Variants in IRAK2 observed in about 807,000 individuals in gnomAD.
The protein encoded by IRAK2 is interleukin-1 receptor-associated kinase-like 2.
Under a neutral mutation model 72.0 loss-of-function variants are expected in IRAK2, and 57 were observed. The observed-to-expected ratio is 0.79, with a 90% confidence interval of 0.64 to 0.99. The LOEUF (loss-of-function observed/expected upper bound fraction) is 0.99. Ranked by LOEUF, IRAK2 falls within the 50% of genes least tolerant of loss-of-function variation. IRAK2 has a pLI of 0.00. For synonymous variants in IRAK2, 293 were observed against 312.7 expected (o/e 0.94, Z 0.67); for missense variants, 790 against 794.4 (o/e 0.99, Z 0.07).
intron 9 of IRAK2, among the ~76,000 whole-genome samples, chr3:10,223,764 A>G (rs1278633849): frequency 6.6e-6 from 1 of 152,214 alleles, no homozygotes; most frequent in Non-Finnish European, 1.5e-5. Flanking sequence ...GAAGAGTAAC[A>G]GTCAGGTTGG....
At chr3:10,239,171 T>C (rs1319792145) in intron 12 of IRAK2, 132 bp downstream of exon 12, 3 of 837,404 alleles carry the variant, frequency 3.6e-6, no homozygotes, top group East Asian at 2.7e-5. Context: ...CAGCCAGTTT[T>C]TCACAGAGAA....
chr3:10,165,835 A>C (rs917760427), intron 1 of IRAK2, among the ~76,000 whole-genome samples: 1 of 144,976 alleles, frequency 6.9e-6, no homozygotes, highest in Admixed American at 7.3e-5. Context: ...GGTTCACGCC[A>C]TTCTCCTGCC....
intron 1 of IRAK2, among the ~76,000 whole-genome samples, chr3:10,175,088 T>A (rs1415266789): frequency 1.3e-5 from 2 of 151,368 alleles, no homozygotes; most frequent in African/African-American, 4.9e-5. Flanking sequence ...AGTGACACCC[T>A]GTCTCAAAAA....
chr3:10,182,626 G>A (rs1226095708), intron 2 of IRAK2, among the ~76,000 whole-genome samples: 1 of 149,816 alleles, frequency 6.7e-6, no homozygotes, highest in East Asian at 2.0e-4. Context: ...GGCTAGGCTA[G>A]TCTCAAACTC....
chr3:10,214,077 C>T (rs530536482), intron 6 of IRAK2, among the ~76,000 whole-genome samples: 36 of 151,796 alleles, frequency 2.4e-4, no homozygotes, highest in Non-Finnish European at 3.8e-4. Context: ...TACAGGCGTG[C>T]GCCACCAGGC....
intron 3 of IRAK2, among the ~76,000 whole-genome samples, chr3:10,203,183 G>A (rs1459732762): frequency 6.6e-6 from 1 of 152,022 alleles, no homozygotes; most frequent in Non-Finnish European, 1.5e-5. Context: ...TTTTTGTAAA[G>A]ATGGGGTTTC....
intron 1 of IRAK2, among the ~76,000 whole-genome samples, chr3:10,172,489 C>T (rs1214309210): frequency 8.0e-6 from 1 of 124,330 alleles, no homozygotes; most frequent in Non-Finnish European, 1.6e-5. Flanking sequence ...AGTGAGCTGA[C>T]ATGTGCCATT....
chr3:10,184,822 C>T lies in IRAK2; in HGVS notation c.277+6802C>T, dbSNP rs567217010. Among the ~76,000 whole-genome samples the T allele has an allele frequency of 3.3e-5, 5 of 150,064 alleles. No individual in the cohort carries two copies. In the South Asian group the frequency reaches 6.3e-4, roughly 19 times the overall value. Reference sequence around the variant, plus strand: ...TCGGCTCACTGCAAGCTCCGCCTCCCAGGTTCACGCCATTCTCTTGCCTCA... The same window carrying T: ...TCGGCTCACTGCAAGCTCCGCCTCCTAGGTTCACGCCATTCTCTTGCCTCA... On this transcript the variant is annotated intron_variant, in intron 2 of 12. Transcript: ENST00000256458.
intron 8 of IRAK2, among the ~76,000 whole-genome samples, chr3:10,221,561 T>A (rs560352153): frequency 1.0e-4 from 15 of 149,200 alleles, no homozygotes; most frequent in African/African-American, 3.5e-4. Context: ...CCAAAAAAAA[T>A]TTTTTTTTGA....
chr3:10,173,988 C>G (rs1476135633), intron 1 of IRAK2, among the ~76,000 whole-genome samples: 1 of 152,108 alleles, frequency 6.6e-6, no homozygotes, highest in African/African-American at 2.4e-5. Flanking sequence ...AAGTTCAGCC[C>G]ACAGAGAGTC....
At chr3:10,189,945 C>G (rs1209574689) in intron 2 of IRAK2, among the ~76,000 whole-genome samples, 1 of 151,902 alleles carries the variant, frequency 6.6e-6, no homozygotes, top group Non-Finnish European at 1.5e-5. Flanking sequence ...AACCACAGGC[C>G]AGGGGTCAGA....
At position 10,213,359 on chromosome 3, in the gene IRAK2, G is replaced by A. The variant is rs1464707529; in HGVS notation, c.681G>A (p.Gly227=). The change falls in exon 5 of 13, where the codon GGG becomes GGA. Residue 227 remains glycine, a synonymous_variant. Coordinates refer to ENST00000256458, the MANE Select transcript of IRAK2 (RefSeq NM_001570.4). ...GGACCTTTGCTGACGTCTACAGAGG[G>A]CACAGGCACGGGAAGCCATTCGTCT... ...SQGTFADVYR[G]HRHGKPFVFK... is the part of the protein sequence containing the mutation. The A allele has an allele frequency of 6.2e-7, 1 of 1,614,102 alleles. No homozygotes were observed. Among genetic ancestry groups the A allele is most frequent in the Admixed American group, 1.7e-5 (1 of 60,002 alleles).
chr3:10,230,015 G>A (rs1697835239), intron 10 of IRAK2, among the ~76,000 whole-genome samples: 1 of 152,030 alleles, frequency 6.6e-6, no homozygotes, highest in South Asian at 2.1e-4. Flanking sequence ...CAGGAGAATC[G>A]CTTGAACCTG....
At chr3:10,214,418 A>T (rs1697571337) in intron 6 of IRAK2, among the ~76,000 whole-genome samples, 2 of 106,746 alleles carry the variant, frequency 1.9e-5, no homozygotes, top group Non-Finnish European at 3.5e-5. Flanking sequence ...TTTTGTAGAG[A>T]TAGGGTCTTG....
chr3:10,166,066 G>T (rs1176405245), intron 1 of IRAK2, among the ~76,000 whole-genome samples: 1 of 152,128 alleles, frequency 6.6e-6, no homozygotes, highest in African/African-American at 2.4e-5. Flanking sequence ...ACCTGCTTCG[G>T]CCTCCCAAAG....
chr3:10,225,008 C>T (rs1360587231), intron 9 of IRAK2, among the ~76,000 whole-genome samples: 3 of 151,734 alleles, frequency 2.0e-5, no homozygotes, highest in Non-Finnish European at 2.9e-5. Flanking sequence ...TTATTCATTT[C>T]CCCTTGTTCT....
At chr3:10,232,106 G>A (rs1040965339) in intron 10 of IRAK2, among the ~76,000 whole-genome samples, 3 of 151,662 alleles carry the variant, frequency 2.0e-5, no homozygotes, top group Non-Finnish European at 4.4e-5. Flanking sequence ...CAGCCTGGGC[G>A]ACAGAGCGAG....
chr3:10,171,106 G>T (rs537469239), intron 1 of IRAK2, among the ~76,000 whole-genome samples: 1 of 152,234 alleles, frequency 6.6e-6, no homozygotes, highest in African/African-American at 2.4e-5. Flanking sequence ...TCTTGTCTCC[G>T]TGATGGCAGC....
intron 1 of IRAK2, among the ~76,000 whole-genome samples, chr3:10,167,516 G>A (rs1575947671): frequency 6.6e-6 from 1 of 151,856 alleles, no homozygotes; most frequent in Non-Finnish European, 1.5e-5. Flanking sequence ...CTGGGTTCAT[G>A]CCATTCTCCT....
Sources: gnomAD v4.1 joint callset for allele counts (sites outside exome capture counted in the v4.1 genomes callset) on GRCh38, gnomAD v4.1.1 for gene constraint, MANE v1.5 for transcripts, NCBI Gene and HGNC (gene_info 2026-07-23, HGNC 2026-07-21) for gene names.